NAALADL2: variants seen among roughly 807,000 people sequenced by gnomAD.
NAALADL2 encodes N-acetylated alpha-linked acidic dipeptidase like 2, also known as inactive N-acetylated-alpha-linked acidic dipeptidase-like protein 2.
A neutral mutation model predicts 87.2 loss-of-function variants in NAALADL2; 76 were observed. The ratio of observed to expected loss-of-function variants is 0.87; its 90% CI spans 0.72 to 1.05. The LOEUF (loss-of-function observed/expected upper bound fraction) is 1.05. NAALADL2 is among the 50% of genes least tolerant of loss of function. NAALADL2 has a pLI of 0.00. For missense variants in NAALADL2, 1,089 were observed against 945.8 expected (o/e 1.15, Z -1.99); for synonymous variants, 354 against 331.0 (o/e 1.07, Z -0.75).
chr3:174,703,333 T>C (rs1729738473), intron 2 of NAALADL2, among the ~76,000 whole-genome samples: 1 of 150,822 alleles, frequency 6.6e-6, no homozygotes, highest in African/African-American at 2.4e-5. Context: ...AGAAGGGGTC[T>C]CACTATGTTA....
In NAALADL2 at chr3:175,334,869, G is replaced by A. The variant is rs138791207; in HGVS notation, c.1090+10544G>A. On this transcript the variant is annotated intron_variant, in intron 5 of 13. Coordinates refer to ENST00000454872, the MANE Select transcript of NAALADL2 (RefSeq NM_207015.3). ...TTGGGACCGTCAAACCACACCTGAA[G>A]ATACGACCTATCAGACTTGTTCACT... Among the ~76,000 whole-genome samples the A allele has an allele frequency of 2.6e-4, 39 of 152,296 alleles. No homozygotes were observed. In the Middle Eastern group the frequency reaches 0.014, roughly 53 times the overall value.
chr3:174,506,183 CTTTT>C (rs58179047), intron 1 of NAALADL2, among the ~76,000 whole-genome samples: 1 of 141,108 alleles, frequency 7.1e-6, no homozygotes. Context: ...TGGTTTATAT[CTTTT>C]TTTTTTTTTT....
intron 2 of NAALADL2, among the ~76,000 whole-genome samples, chr3:174,622,295 T>C (rs1395893747): frequency 6.6e-6 from 1 of 152,212 alleles, no homozygotes; most frequent in East Asian, 1.9e-4. Context: ...ATTCATTTAA[T>C]ATGAAACTTT....
intron 10 of NAALADL2, among the ~76,000 whole-genome samples, chr3:175,595,641 C>T (rs1004629206): frequency 2.6e-5 from 4 of 151,890 alleles, no homozygotes; most frequent in African/African-American, 9.7e-5. Flanking sequence ...CCATTTATAA[C>T]AGCCACAGAG....
chr3:174,874,688 A>G (rs1728253252), intron 1 of NAALADL2, among the ~76,000 whole-genome samples: 1 of 152,148 alleles, frequency 6.6e-6, no homozygotes, highest in Non-Finnish European at 1.5e-5. Context: ...TTGCAATTCA[A>G]GGTATATTTT....
intron 1 of NAALADL2, among the ~76,000 whole-genome samples, chr3:174,963,627 G>C (rs1742448376): frequency 6.6e-6 from 1 of 152,090 alleles, no homozygotes. Context: ...TTTCATGCCT[G>C]TGTCCGCCAT....
chr3:175,383,527 T>C (rs191262960), intron 5 of NAALADL2, among the ~76,000 whole-genome samples: 56 of 152,170 alleles, frequency 3.7e-4, no homozygotes, highest in Non-Finnish European at 6.8e-4. Flanking sequence ...CTGATACTTA[T>C]TCCTCCTGTC....
intron 9 of NAALADL2, among the ~76,000 whole-genome samples, chr3:175,526,774 C>T (rs1029775408): frequency 6.6e-6 from 1 of 152,078 alleles, no homozygotes. Context: ...ACGGGTCCAC[C>T]AGCAGAGATG....
At chr3:175,523,305 A>G (rs1368798216) in intron 9 of NAALADL2, among the ~76,000 whole-genome samples, 1 of 152,198 alleles carries the variant, frequency 6.6e-6, no homozygotes, top group Non-Finnish European at 1.5e-5. Context: ...ATATTCTAAA[A>G]TGTATCAGAC....
At chr3:174,791,262 G>T (rs1463742405) in intron 3 of NAALADL2, among the ~76,000 whole-genome samples, 4 of 152,146 alleles carry the variant, frequency 2.6e-5, no homozygotes, top group African/African-American at 9.7e-5. Flanking sequence ...GTATTCTCCT[G>T]TGCAACTGCT....
At chr3:174,850,635 A>G (rs1173890540) in intron 3 of NAALADL2, among the ~76,000 whole-genome samples, 1 of 152,174 alleles carries the variant, frequency 6.6e-6, no homozygotes, top group African/African-American at 2.4e-5. Context: ...ACATTATTGG[A>G]ACTAAAGATA....
At chr3:175,627,483 A>G (rs1049641363) in intron 11 of NAALADL2, 97 bp downstream of exon 11, 8 of 739,700 alleles carry the variant, frequency 1.1e-5, no homozygotes, top group African/African-American at 3.6e-5. Flanking sequence ...AGCAATCCGT[A>G]TATTTTCATT....
intron 11 of NAALADL2, among the ~76,000 whole-genome samples, chr3:175,667,190 A>AGAAAGAAAGAAG (rs1491112635): frequency 3.6e-5 from 3 of 82,764 alleles, no homozygotes; most frequent in Non-Finnish European, 6.4e-5. Flanking sequence ...AGAGAAAGAA[A>AGAAAGAAAGAAG]GAAAGAAAGA....
intron 3 of NAALADL2, among the ~76,000 whole-genome samples, chr3:174,824,879 GTTAA>G (rs992809795): frequency 1.3e-5 from 2 of 151,252 alleles, no homozygotes; most frequent in African/African-American, 2.5e-5. Flanking sequence ...AAATAAGACT[GTTAA>G]TTAATAAATT....
At chr3:175,289,807 A>G (rs1755429092) in intron 4 of NAALADL2, among the ~76,000 whole-genome samples, 1 of 152,096 alleles carries the variant, frequency 6.6e-6, no homozygotes, top group African/African-American at 2.4e-5. Context: ...AAAACAAACA[A>G]AAGAACAAAA....
At chr3:175,346,190 C>T (rs1338204898) in intron 5 of NAALADL2, among the ~76,000 whole-genome samples, 1 of 151,748 alleles carries the variant, frequency 6.6e-6, no homozygotes, top group Non-Finnish European at 1.5e-5. Context: ...AAACAGTATA[C>T]AAAAATATGA....
rs572993373 is a variant in NAALADL2 at position 174,750,577 on chromosome 3, G to T, written c.-9+12831G>T. On this transcript the variant is annotated intron_variant, in intron 3 of 3. Transcript: ENST00000434257. ...ACCTCCTGAGTAGCTGGGATTAAAG[G>T]TGTGCGCCACCATACCTGGCTAATT... is the stretch of plus-strand genomic sequence containing the variant. 2.6e-5 allele frequency among the ~76,000 whole-genome samples: 4 copies of T among 152,066 alleles called. No homozygotes were observed. The South Asian group carries it at 8.3e-4, about 32-fold the overall frequency.
At chr3:175,439,061 C>T (rs1405827844) in intron 5 of NAALADL2, among the ~76,000 whole-genome samples, 1 of 152,088 alleles carries the variant, frequency 6.6e-6, no homozygotes, top group Non-Finnish European at 1.5e-5. Context: ...CCTTTGTGTC[C>T]TCATAGCTTC....
chr3:175,235,018 T>G (rs1175284515), intron 3 of NAALADL2: 1 of 151,638 alleles, frequency 6.6e-6, no homozygotes, highest in African/African-American at 2.4e-5. Flanking sequence ...TATGGACTAG[T>G]TTTCTAACTC....
Sources: allele counts gnomAD v4.1 joint callset (sites outside exome capture counted in the v4.1 genomes callset), GRCh38; gene constraint gnomAD v4.1.1; transcripts MANE v1.5; gene names NCBI Gene and HGNC (gene_info 2026-07-23, HGNC 2026-07-21).